IQCJ: variants seen among roughly 807,000 people sequenced by gnomAD.
IQCJ encodes the protein IQ domain-containing protein J.
IQCJ carries 9 observed loss-of-function variants against 11.0 expected under a neutral mutation model. That is an observed-to-expected ratio of 0.82 (90% CI 0.49 to 1.43). The LOEUF (loss-of-function observed/expected upper bound fraction) is 1.43. IQCJ is among the 40% of genes most tolerant of loss of function. IQCJ has a pLI of 0.00. For synonymous variants in IQCJ, 55 were observed against 51.3 expected, an observed-to-expected ratio of 1.07 and a Z score of -0.31; for missense variants, 146 against 133.2, an observed-to-expected ratio of 1.10 and a Z score of -0.47.
intron 1 of IQCJ, among the ~76,000 whole-genome samples, chr3:159,134,154 C>T (rs1192559322): frequency 6.6e-6 from 1 of 152,074 alleles, no homozygotes; most frequent in Non-Finnish European, 1.5e-5. Context: ...TTCCTAGAGG[C>T]TGCCTGCAGC....
At chr3:159,182,444 T>C (rs1310983237) in intron 1 of IQCJ, among the ~76,000 whole-genome samples, 2 of 151,922 alleles carry the variant, frequency 1.3e-5, no homozygotes, top group East Asian at 1.9e-4. Flanking sequence ...TCTATCTAAG[T>C]AGTGTAGCAG....
chr3:159,107,742 A>C (rs1718352493), intron 1 of IQCJ, among the ~76,000 whole-genome samples: 1 of 152,174 alleles, frequency 6.6e-6, no homozygotes. Flanking sequence ...GAAGAAACTG[A>C]CGTACAGAGA....
At chr3:159,179,180 TTA>T (rs1242725313) in intron 1 of IQCJ, among the ~76,000 whole-genome samples, 1 of 152,116 alleles carries the variant, frequency 6.6e-6, no homozygotes, top group Non-Finnish European at 1.5e-5. Flanking sequence ...ATTTGATATT[TTA>T]ATATGCAGTT....
At chr3:159,255,263 C>T (rs1025774888) in intron 3 of IQCJ, among the ~76,000 whole-genome samples, 3 of 152,150 alleles carry the variant, frequency 2.0e-5, no homozygotes, top group African/African-American at 7.2e-5. Context: ...GAAGGCTCTC[C>T]TTTCCCCTCC....
At chr3:159,162,322 G>A (rs1013909476) in intron 1 of IQCJ, among the ~76,000 whole-genome samples, 1 of 152,054 alleles carries the variant, frequency 6.6e-6, no homozygotes, top group Admixed American at 6.6e-5. Flanking sequence ...CCATGATTTG[G>A]CTGTCTGTTT....
chr3:159,249,243 A>G (rs1283117577), intron 2 of IQCJ, among the ~76,000 whole-genome samples: 1 of 152,194 alleles, frequency 6.6e-6, no homozygotes, highest in Non-Finnish European at 1.5e-5. Flanking sequence ...TAACACCAGC[A>G]TGTATCTTTC....
intron 1 of IQCJ, among the ~76,000 whole-genome samples, chr3:159,228,742 G>T (rs577281000): frequency 6.6e-6 from 1 of 151,454 alleles, no homozygotes; most frequent in East Asian, 2.0e-4. Context: ...GGCGGAGCTT[G>T]CAGTGAGCCG....
chr3:159,152,237 A>G (rs114342089), intron 1 of IQCJ, among the ~76,000 whole-genome samples: 6 of 152,338 alleles, frequency 3.9e-5, no homozygotes, highest in African/African-American at 1.4e-4. Flanking sequence ...TCCGTAACGT[A>G]ATGATGGCTG....
chr3:159,084,274 G>T (rs1716545293), intron 1 of IQCJ, among the ~76,000 whole-genome samples: 2 of 151,442 alleles, frequency 1.3e-5, no homozygotes, highest in African/African-American at 4.8e-5. Flanking sequence ...GGAGAAAAAT[G>T]AGTGTACTAA....
intron 1 of IQCJ, among the ~76,000 whole-genome samples, chr3:159,220,607 G>A (rs902015435): frequency 6.6e-6 from 1 of 152,102 alleles, no homozygotes; most frequent in Non-Finnish European, 1.5e-5. Context: ...GCAAACTAAT[G>A]GAATTTCTTC....
intron 1 of IQCJ, among the ~76,000 whole-genome samples, chr3:159,191,084 G>T (rs574499038): frequency 6.6e-6 from 1 of 152,192 alleles, no homozygotes; most frequent in Non-Finnish European, 1.5e-5. Context: ...AACAGCAATT[G>T]GAGTGGGGAA....
chr3:159,242,429 G>A (rs527532916), intron 1 of IQCJ, among the ~76,000 whole-genome samples: 29 of 152,002 alleles, frequency 1.9e-4, no homozygotes, highest in Non-Finnish European at 1.8e-4. Context: ...AGGTACCTTC[G>A]GTCTTTCTAT....
At chr3:159,117,675 G>A (rs992660656) in intron 1 of IQCJ, among the ~76,000 whole-genome samples, 3 of 152,084 alleles carry the variant, frequency 2.0e-5, no homozygotes, top group Admixed American at 6.6e-5. Context: ...GCCACTCAAC[G>A]GTTCATTCAC....
intron 1 of IQCJ, among the ~76,000 whole-genome samples, chr3:159,169,841 G>GT (rs2108235534): frequency 6.6e-6 from 1 of 152,236 alleles, no homozygotes; most frequent in Non-Finnish European, 1.5e-5. Context: ...GCCTTTGATT[G>GT]TAGTTCCTGG....
chr3:159,204,225 C>A (rs1245184870), intron 1 of IQCJ, among the ~76,000 whole-genome samples: 1 of 152,224 alleles, frequency 6.6e-6, no homozygotes, highest in Non-Finnish European at 1.5e-5. Context: ...CTGGGCAGGG[C>A]ACAGTGGGGA....
chr3:159,069,656 A>G (rs1226717466), intron 1 of IQCJ: 2 of 655,134 alleles, frequency 3.1e-6, no homozygotes, highest in South Asian at 1.9e-5. Context: ...ATTTATGTAT[A>G]CATGTGTCTG....
At chr3:159,212,311 G>A (rs964590726) in intron 1 of IQCJ, among the ~76,000 whole-genome samples, 1 of 152,104 alleles carries the variant, frequency 6.6e-6, no homozygotes, top group African/African-American at 2.4e-5. Context: ...TTGTAGCTGC[G>A]TGGTCCTATG....
intron 1 of IQCJ, among the ~76,000 whole-genome samples, chr3:159,094,887 T>C (rs1249792975): frequency 6.6e-6 from 1 of 151,880 alleles, no homozygotes; most frequent in East Asian, 1.9e-4. Flanking sequence ...ATCTAATATG[T>C]ACCTGTATCA....
intron 1 of IQCJ, among the ~76,000 whole-genome samples, chr3:159,195,142 G>A (rs1199029065): frequency 2.0e-5 from 3 of 151,864 alleles, no homozygotes; most frequent in Non-Finnish European, 4.4e-5. Flanking sequence ...ACTGGAGCAC[G>A]TTTCCATATC....
Sources: gnomAD v4.1 joint callset for allele counts (sites outside exome capture counted in the v4.1 genomes callset) on GRCh38, gnomAD v4.1.1 for gene constraint, MANE v1.5 for transcripts, NCBI Gene and HGNC (gene_info 2026-07-23, HGNC 2026-07-21) for gene names.